Variants in PHACTR3 observed in about 807,000 individuals in gnomAD.
The protein encoded by PHACTR3 is phosphatase and actin regulator 3.
Under a neutral mutation model 66.8 loss-of-function variants are expected in PHACTR3, and 16 were observed. The ratio of observed to expected loss-of-function variants is 0.24; its 90% CI spans 0.16 to 0.36. The LOEUF is 0.36. Among genes scored for constraint, PHACTR3 ranks in the 10% least tolerant of loss-of-function variants. PHACTR3 has a pLI of 1.00. For missense variants in PHACTR3, 647 were observed against 719.9 expected, an observed-to-expected ratio of 0.90 and a Z score of 1.16; for synonymous variants, 323 against 292.1, an observed-to-expected ratio of 1.11 and a Z score of -1.08.
intron 4 of PHACTR3, among the ~76,000 whole-genome samples, chr20:59,766,604 A>T (rs1372806911): frequency 1.3e-5 from 2 of 151,996 alleles, no homozygotes; most frequent in Non-Finnish European, 1.5e-5. Flanking sequence ...GGGTGGCCTG[A>T]CCCTTCCTCC....
At chr20:59,808,602 G>A (rs1002487073) in intron 8 of PHACTR3, among the ~76,000 whole-genome samples, 18 of 152,238 alleles carry the variant, frequency 1.2e-4, no homozygotes, top group Non-Finnish European at 1.8e-4. Context: ...GGGGTGAGGG[G>A]AACCAGCTCC....
chr20:59,583,975 G>A (rs1231796405), intron 1 of PHACTR3, among the ~76,000 whole-genome samples: 1 of 152,226 alleles, frequency 6.6e-6, no homozygotes, highest in African/African-American at 2.4e-5. Flanking sequence ...GCAGCTCTTG[G>A]GCCTCACACT....
At chr20:59,652,695 A>C (rs2035495290) in intron 1 of PHACTR3, among the ~76,000 whole-genome samples, 1 of 152,014 alleles carries the variant, frequency 6.6e-6, no homozygotes, top group African/African-American at 2.4e-5. Context: ...TTCCTCTTTA[A>C]GAGTGTACAT....
intron 1 of PHACTR3, among the ~76,000 whole-genome samples, chr20:59,582,777 G>A (rs1293040289): frequency 6.6e-6 from 1 of 152,086 alleles, no homozygotes; most frequent in African/African-American, 2.4e-5. Context: ...GTGTGTTTCC[G>A]AGTGGTTTGT....
At chr20:59,646,589 G>A (rs1182347004) in intron 1 of PHACTR3, among the ~76,000 whole-genome samples, 1 of 152,150 alleles carries the variant, frequency 6.6e-6, no homozygotes, top group African/African-American at 2.4e-5. Flanking sequence ...TGTACCCTGG[G>A]AGGCACAGCC....
At chr20:59,807,611 G>A (rs748348133) in intron 8 of PHACTR3, among the ~76,000 whole-genome samples, 24 of 152,246 alleles carry the variant, frequency 1.6e-4, no homozygotes, top group African/African-American at 5.1e-4. Flanking sequence ...TGTACTGCAC[G>A]GTTACACGCA....
At chr20:59,751,307 C>G (rs1482658937) in intron 3 of PHACTR3, among the ~76,000 whole-genome samples, 5 of 152,194 alleles carry the variant, frequency 3.3e-5, no homozygotes, top group African/African-American at 7.2e-5. Flanking sequence ...ATGAGCCTCC[C>G]TGCAAGGTGG....
chr20:59,835,610 A>G (rs1335506003), intron 8 of PHACTR3, among the ~76,000 whole-genome samples: 3 of 152,132 alleles, frequency 2.0e-5, no homozygotes, highest in Non-Finnish European at 4.4e-5. Context: ...TGGCCCAAGG[A>G]CAATATTATT....
At chr20:59,804,975 G>A (rs565713251) in intron 7 of PHACTR3, among the ~76,000 whole-genome samples, 1 of 152,042 alleles carries the variant, frequency 6.6e-6, no homozygotes, top group Admixed American at 6.5e-5. Context: ...ATTAAATCCC[G>A]GCCCAAAAAA....
In PHACTR3 at chr20:59,838,122, T is replaced by C. The variant is rs182994272; in HGVS notation, c.1384+1562T>C. 7.2e-5 allele frequency among the ~76,000 whole-genome samples: 11 copies of C among 152,306 alleles called. No homozygotes were observed. In the East Asian group the frequency reaches 2.1e-3, roughly 29 times the overall value. On this transcript the variant is annotated intron_variant, in intron 9 of 12. Transcript: ENST00000371015. ...TCCCGCCATAAACACTGTGCCTTCA[T>C]CAGTGAATGTAGGTTTGTCCTTAGC...
At chr20:59,752,435 C>A (rs1384543279) in intron 3 of PHACTR3, among the ~76,000 whole-genome samples, 1 of 152,184 alleles carries the variant, frequency 6.6e-6, no homozygotes, top group African/African-American at 2.4e-5. Context: ...GCTCCCACCG[C>A]TCCCCCAACC....
At chr20:59,737,033 C>A (rs2038968499) in intron 1 of PHACTR3, among the ~76,000 whole-genome samples, 1 of 152,150 alleles carries the variant, frequency 6.6e-6, no homozygotes, top group Non-Finnish European at 1.5e-5. Flanking sequence ...GTCTTTTGAG[C>A]TGAAGACCCT....
At chr20:59,717,982 G>A (rs987939660) in intron 1 of PHACTR3, among the ~76,000 whole-genome samples, 1 of 152,188 alleles carries the variant, frequency 6.6e-6, no homozygotes, top group Non-Finnish European at 1.5e-5. Context: ...CTAAGAGGCT[G>A]GAAAAGGTCG....
intron 1 of PHACTR3, among the ~76,000 whole-genome samples, chr20:59,607,499 G>T (rs1470602310): frequency 3.3e-5 from 5 of 152,178 alleles, no homozygotes; most frequent in Non-Finnish European, 5.9e-5. Flanking sequence ...TTTAATGAAA[G>T]AGTCCAAGGT....
intron 1 of PHACTR3, among the ~76,000 whole-genome samples, chr20:59,689,261 G>T (rs1028564859): frequency 5.9e-5 from 9 of 152,220 alleles, no homozygotes; most frequent in Non-Finnish European, 1.2e-4. Flanking sequence ...TGGAGGAAGG[G>T]TCATTCTCCA....
At chr20:59,743,478 G>A (rs537048985) in intron 2 of PHACTR3, among the ~76,000 whole-genome samples, 19 of 152,330 alleles carry the variant, frequency 1.2e-4, no homozygotes, top group African/African-American at 4.6e-4. Flanking sequence ...GGGTGGAGTT[G>A]GCACCAGGCA....
At chr20:59,789,982 G>A (rs1453903099) in intron 7 of PHACTR3, among the ~76,000 whole-genome samples, 4 of 152,234 alleles carry the variant, frequency 2.6e-5, no homozygotes, top group African/African-American at 9.6e-5. Context: ...AAGACTTTGT[G>A]CATCTCTGTA....
At chr20:59,667,995 T>C (rs2036051920) in intron 1 of PHACTR3, among the ~76,000 whole-genome samples, 1 of 152,232 alleles carries the variant, frequency 6.6e-6, no homozygotes, top group African/African-American at 2.4e-5. Flanking sequence ...GTTAGTTTTG[T>C]AAAGGTGAGT....
At chr20:59,823,527 G>T (rs527678110) in intron 8 of PHACTR3, among the ~76,000 whole-genome samples, 2 of 152,320 alleles carry the variant, frequency 1.3e-5, no homozygotes, top group Non-Finnish European at 2.9e-5. Context: ...TTGTTTGGCC[G>T]TCACTTTGAG....
Sources: gnomAD v4.1 joint callset for allele counts (sites outside exome capture counted in the v4.1 genomes callset) on GRCh38, gnomAD v4.1.1 for gene constraint, MANE v1.5 for transcripts, NCBI Gene and HGNC (gene_info 2026-07-23, HGNC 2026-07-21) for gene names.